The following SLC4A4 variants were observed in gnomAD, a reference collection of about 807,000 sequenced individuals.
The protein encoded by SLC4A4 is solute carrier family 4 member 4.
A neutral mutation model predicts 111.5 loss-of-function variants in SLC4A4; 27 were observed. The observed-to-expected ratio is 0.24, with a 90% confidence interval of 0.18 to 0.33. The LOEUF is 0.33. Among genes scored for constraint, SLC4A4 ranks in the 10% least tolerant of loss-of-function variants. The pLI is 1.00. For missense variants in SLC4A4, 909 were observed against 1,315.5 expected (o/e 0.69, Z 4.78); for synonymous variants, 443 against 463.4 (o/e 0.96, Z 0.57).
intron 3 of SLC4A4, chr4:71,301,266 T>G: frequency 4.0e-6 from 1 of 248,942 alleles, no homozygotes; most frequent in Non-Finnish European, 7.9e-6. Flanking sequence ...GAAATCAAGT[T>G]ATGGAGCCAC....
At chr4:71,199,350 G>A (rs1035966551) in intron 1 of SLC4A4, among the ~76,000 whole-genome samples, 1 of 152,192 alleles carries the variant, frequency 6.6e-6, no homozygotes, top group African/African-American at 2.4e-5. Flanking sequence ...CCTTGCTACT[G>A]ATAACATGAA....
At chr4:71,114,780 A>G (rs867330456) in intron 2 of SLC4A4, among the ~76,000 whole-genome samples, 1 of 120,428 alleles carries the variant, frequency 8.3e-6, no homozygotes, top group Non-Finnish European at 1.7e-5. Flanking sequence ...CAGTGTGGCG[A>G]TTCCTCAGGG....
intron 21 of SLC4A4, among the ~76,000 whole-genome samples, chr4:71,556,982 A>G (rs1736531064): frequency 6.6e-6 from 1 of 151,964 alleles, no homozygotes. Context: ...GGCAAGGTCA[A>G]TTCGGCAGTT....
chr4:71,360,247 T>G (rs1215120737), intron 6 of SLC4A4, among the ~76,000 whole-genome samples: 2 of 152,186 alleles, frequency 1.3e-5, no homozygotes, highest in South Asian at 4.1e-4. Context: ...ATCTCTTCCC[T>G]CAGTGACTAT....
chr4:71,184,141 C>A (rs1452266653), upstream of SLC4A4, among the ~76,000 whole-genome samples: 3 of 152,126 alleles, frequency 2.0e-5, no homozygotes, highest in Admixed American at 6.5e-5. Context: ...TCTTTAAGGA[C>A]CTAGTCAGTC....
intron 7 of SLC4A4, among the ~76,000 whole-genome samples, chr4:71,420,014 G>T (rs1017826760): frequency 2.6e-5 from 4 of 152,374 alleles, no homozygotes; most frequent in African/African-American, 9.6e-5. Context: ...GTTGAGAGAA[G>T]AAGGCTTCAG....
At chr4:71,145,609 T>G (rs746967778) in intron 2 of SLC4A4, among the ~76,000 whole-genome samples, 2 of 152,156 alleles carry the variant, frequency 1.3e-5, no homozygotes, top group African/African-American at 2.4e-5. Flanking sequence ...CTATTAATTA[T>G]TGCCTCAATT....
intron 6 of SLC4A4, among the ~76,000 whole-genome samples, chr4:71,358,070 T>G (rs997303375): frequency 6.6e-6 from 1 of 152,054 alleles, no homozygotes; most frequent in South Asian, 2.1e-4. Flanking sequence ...ATCCCAGAAC[T>G]TTGGGAGGCC....
intron 3 of SLC4A4, among the ~76,000 whole-genome samples, chr4:71,256,868 A>G (rs186856565): frequency 2.7e-4 from 41 of 151,844 alleles, no homozygotes; most frequent in African/African-American, 8.9e-4. Context: ...GTGATTGTCT[A>G]CTCTCTCTCT....
chr4:71,216,004 A>G, intron 1 of SLC4A4, among the ~76,000 whole-genome samples: 1 of 143,930 alleles, frequency 6.9e-6, no homozygotes, highest in Non-Finnish European at 1.5e-5. Context: ...CCCACCCCGG[A>G]TTCAAGCAAT....
chr4:71,339,916 C>G (rs1728747092), intron 4 of SLC4A4, among the ~76,000 whole-genome samples: 1 of 151,996 alleles, frequency 6.6e-6, no homozygotes, highest in Non-Finnish European at 1.5e-5. Flanking sequence ...TTACTCATTC[C>G]CTGTCAAGAG....
intron 2 of SLC4A4, among the ~76,000 whole-genome samples, chr4:71,121,352 T>C (rs1743419040): frequency 6.6e-6 from 1 of 151,998 alleles, no homozygotes; most frequent in South Asian, 2.1e-4. Flanking sequence ...GACTGAGGAG[T>C]GCAGGCACCA....
At chr4:71,386,906 G>C (rs1464395277) in intron 6 of SLC4A4, among the ~76,000 whole-genome samples, 1 of 152,128 alleles carries the variant, frequency 6.6e-6, no homozygotes, top group Non-Finnish European at 1.5e-5. Flanking sequence ...ATGTAAGCAG[G>C]AGGCATAATT....
intron 1 of SLC4A4, among the ~76,000 whole-genome samples, chr4:71,081,924 A>G (rs910084049): frequency 1.3e-5 from 2 of 152,116 alleles, no homozygotes; most frequent in African/African-American, 4.8e-5. Context: ...GGGCTCAAAC[A>G]TATGGCTGGA....
At chr4:71,166,082 G>A (rs565076937) in intron 2 of SLC4A4, among the ~76,000 whole-genome samples, 42 of 152,242 alleles carry the variant, frequency 2.8e-4, no homozygotes, top group Non-Finnish European at 4.3e-4. Flanking sequence ...AGGGTAATAA[G>A]ATCTTATTGG....
intron 1 of SLC4A4, among the ~76,000 whole-genome samples, chr4:71,205,241 G>A (rs534025597): frequency 6.6e-6 from 1 of 152,256 alleles, no homozygotes; most frequent in African/African-American, 2.4e-5. Context: ...AAAAGAGCCA[G>A]GACCTTACTT....
intron 2 of SLC4A4, among the ~76,000 whole-genome samples, chr4:71,251,595 T>A (rs1721073016): frequency 6.6e-6 from 1 of 152,204 alleles, no homozygotes; most frequent in Non-Finnish European, 1.5e-5. Context: ...TTTGAACACA[T>A]GATACTGAAG....
chr4:71,339,950 G>C (rs1473982986), intron 4 of SLC4A4, among the ~76,000 whole-genome samples: 1 of 152,016 alleles, frequency 6.6e-6, no homozygotes, highest in Admixed American at 6.6e-5. Context: ...AGGTGCAGTG[G>C]CTTGTGCCTG....
intron 3 of SLC4A4, among the ~76,000 whole-genome samples, chr4:71,324,099 A>AG (rs1297315035): frequency 6.6e-6 from 1 of 151,990 alleles, no homozygotes; most frequent in African/African-American, 2.4e-5. Context: ...TTAATTTATT[A>AG]GGGGGAATGC....
Sources: allele counts gnomAD v4.1 joint callset (sites outside exome capture counted in the v4.1 genomes callset), GRCh38; gene constraint gnomAD v4.1.1; transcripts MANE v1.5; gene names NCBI Gene and HGNC (gene_info 2026-07-23, HGNC 2026-07-21).